COQ5: variants seen among roughly 807,000 people sequenced by gnomAD.
COQ5 encodes the protein coenzyme Q5, methyltransferase.
A neutral mutation model predicts 40.5 loss-of-function variants in COQ5; 27 were observed. The observed-to-expected ratio is 0.67, with a 90% CI of 0.49 to 0.92. The LOEUF (loss-of-function observed/expected upper bound fraction) is 0.92. Ranked by LOEUF, COQ5 falls within the 40% of genes least tolerant of loss-of-function variation. The probability of loss-of-function intolerance (pLI) is 0.00; values close to 1 mark genes in which losing one functional copy is unlikely to be tolerated. For synonymous variants in COQ5, 141 were observed against 150.0 expected, an observed-to-expected ratio of 0.94 and a Z score of 0.44; for missense variants, 409 against 406.4, an observed-to-expected ratio of 1.01 and a Z score of -0.06.
At chr12:120,526,011 G>A (rs1869925362) in intron 1 of COQ5, among the ~76,000 whole-genome samples, 1 of 152,086 alleles carries the variant, frequency 6.6e-6, no homozygotes, top group Non-Finnish European at 1.5e-5. Flanking sequence ...AGTTACTGTG[G>A]TTTAGCTAAA....
At chr12:120,518,730 A>G (rs918283321) in intron 2 of COQ5, among the ~76,000 whole-genome samples, 1 of 151,940 alleles carries the variant, frequency 6.6e-6, no homozygotes, top group Admixed American at 6.6e-5. Context: ...ACGCCCAGCT[A>G]ATTTTTGTAT....
At chr12:120,524,446 G>C (rs1408942799) in intron 1 of COQ5, among the ~76,000 whole-genome samples, 1 of 152,032 alleles carries the variant, frequency 6.6e-6, no homozygotes, top group African/African-American at 2.4e-5. Flanking sequence ...ATTTTTAGTA[G>C]AGACGGGGTT....
intron 4 of COQ5, among the ~76,000 whole-genome samples, chr12:120,505,720 C>A (rs1868850632): frequency 6.6e-6 from 1 of 152,016 alleles, no homozygotes; most frequent in Admixed American, 6.6e-5. Context: ...CCACACCCGG[C>A]TAATTTTGTA....
intron 2 of COQ5, among the ~76,000 whole-genome samples, chr12:120,517,506 TA>T (rs1279558345): frequency 1.8e-5 from 2 of 111,394 alleles, no homozygotes; most frequent in Admixed American, 2.0e-4. Context: ...CCGTCTCTAC[TA>T]AAAAAATACA....
chr12:120,524,081 AG>A (rs1869815548), intron 1 of COQ5: 2 of 258,098 alleles, frequency 7.7e-6, no homozygotes, highest in African/African-American at 4.7e-5. Context: ...ATCACTGAGA[AG>A]AACCTCAGGT....
chr12:120,525,979 T>C (rs1032420614), intron 1 of COQ5, among the ~76,000 whole-genome samples: 1 of 152,040 alleles, frequency 6.6e-6, no homozygotes. Context: ...TGGCTTTGCA[T>C]GTTCCAATAT....
At chr12:120,513,203 A>T (rs181175626) in intron 3 of COQ5, among the ~76,000 whole-genome samples, 1 of 143,148 alleles carries the variant, frequency 7.0e-6, no homozygotes, top group East Asian at 2.2e-4. Context: ...GCTATACATT[A>T]AAAAAAAAAG....
chr12:120,520,627 G>A (rs924933044), intron 2 of COQ5, among the ~76,000 whole-genome samples: 3 of 151,378 alleles, frequency 2.0e-5, no homozygotes, highest in Admixed American at 6.6e-5. Context: ...CCCCGCCATC[G>A]CCCAGCTGAA....
At chr12:120,508,484 G>A (rs542844033) in intron 4 of COQ5, among the ~76,000 whole-genome samples, 13 of 152,194 alleles carry the variant, frequency 8.5e-5, no homozygotes, top group South Asian at 2.1e-4. Flanking sequence ...ACAAATGATC[G>A]AATCCATGCA....
intron 5 of COQ5, chr12:120,504,611 C>T (rs566492471): frequency 1.2e-4 from 45 of 384,458 alleles, no homozygotes; most frequent in African/African-American, 7.5e-4. Flanking sequence ...TGAGTAGCAA[C>T]GTTATTGCCA....
In COQ5 at chr12:120,504,990, A is replaced by C. The variant is rs201670848; in HGVS notation, c.682-7T>G. The C allele has an allele frequency of 1.8e-4, 285 of 1,612,662 alleles. No individual in the cohort carries two copies. The highest frequency in any genetic ancestry group is 1.7e-4 in the Non-Finnish European group (206 of 1,178,714). Reference sequence around the variant, plus strand: ...GATGAGCTTCCTGGAGTGCCTGAGCAAGACAAGGAACAACAGGACACACTC... The same window carrying C: ...GATGAGCTTCCTGGAGTGCCTGAGCCAGACAAGGAACAACAGGACACACTC... On this transcript the variant is annotated splice_region_variant and splice_polypyrimidine_tract_variant and intron_variant, in intron 4 of 6. Coordinates refer to ENST00000288532, the MANE Select transcript of COQ5 (RefSeq NM_032314.4).
chr12:120,506,872 C>T (rs1376216456), intron 4 of COQ5, among the ~76,000 whole-genome samples: 3 of 152,100 alleles, frequency 2.0e-5, no homozygotes, highest in South Asian at 2.1e-4. Flanking sequence ...CTTGCTCTGT[C>T]GCCCAGGCTG....
chr12:120,521,625 G>C (rs549473255), intron 2 of COQ5, among the ~76,000 whole-genome samples: 1 of 147,614 alleles, frequency 6.8e-6, no homozygotes, highest in East Asian at 2.0e-4. Context: ...CAGTGGAGCC[G>C]AGATTGCACC....
Position 120,504,959 on chromosome 12 carries a change from G to A in COQ5, c.706C>T (p.Leu236=). 6.2e-7 allele frequency: 1 copy of A among 1,614,120 alleles called. No homozygotes were observed. The highest frequency in any genetic ancestry group is 1.6e-4 in the Middle Eastern group (1 of 6,062). ...DQALQEAHRV[L]KPGGRFLCLE... is the part of the protein sequence containing the mutation. ...CAGAGAAACCGTCCTCCTGGTTTCA[G>A]CACCCGATGAGCTTCCTGGAGTGCC... Residue 236 remains leucine, a synonymous_variant, in exon 5 of 7, where the codon CTG becomes TTG. Coordinates refer to ENST00000288532, the MANE Select transcript of COQ5 (RefSeq NM_032314.4).
rs138603815 is a variant in COQ5, at chr12:120,527,673, T to A, written c.202+1267A>T. ...TGTGAAATGTTGATTATACATTGAT[T>A]ATACATTGTAAAATGTTGATTATAC... On this transcript the variant is annotated intron_variant, in intron 1 of 6. Coordinates refer to ENST00000288532, the MANE Select transcript of COQ5 (RefSeq NM_032314.4). Among the ~76,000 whole-genome samples the A allele has an allele frequency of 1.1e-3, 166 of 152,156 alleles. 1 individual carries two copies. The highest frequency in any genetic ancestry group is 3.4e-3 in the Middle Eastern group (1 of 294).
chr12:120,514,627 C>T (rs535917836), intron 3 of COQ5, among the ~76,000 whole-genome samples: 1 of 151,966 alleles, frequency 6.6e-6, no homozygotes, highest in South Asian at 2.1e-4. Context: ...GCTGTAATCC[C>T]AGCTACTCGG....
In COQ5 at chr12:120,529,071, C is replaced by T. The variant is rs1338280823; in HGVS notation, c.71G>A (p.Cys24Tyr). The T allele has an allele frequency of 6.2e-7, 1 of 1,614,158 alleles. No individual in the cohort carries two copies. The highest frequency in any genetic ancestry group is 8.5e-7 in the Non-Finnish European group (1 of 1,180,026). Residue 24 changes from cysteine to tyrosine, a missense_variant, in exon 1 of 7, where the codon TGC becomes TAC. Physicochemically the swap from Cys to Tyr is radical, Grantham distance 194. Coordinates refer to ENST00000288532, the MANE Select transcript of COQ5 (RefSeq NM_032314.4). ...GRGWSRAMRG[C>Y]QLLGLRSSWP... ...AGAGCTACGAAGCCCGAGGAGCTGG[C>T]AGCCCCGCATCGCCCGCGACCACCC... is the stretch of plus-strand genomic sequence containing the variant.
At chr12:120,519,512 A>T (rs1869542717) in intron 2 of COQ5, among the ~76,000 whole-genome samples, 1 of 152,092 alleles carries the variant, frequency 6.6e-6, no homozygotes, top group Admixed American at 6.6e-5. Context: ...GTGTGCCGAG[A>T]TCATGCCATT....
At chr12:120,513,754 A>G (rs1415641384) in intron 3 of COQ5, among the ~76,000 whole-genome samples, 1 of 151,940 alleles carries the variant, frequency 6.6e-6, no homozygotes, top group Non-Finnish European at 1.5e-5. Context: ...TTTTGACCTC[A>G]GGTGATCTGC....
Sources: allele counts gnomAD v4.1 joint callset (sites outside exome capture counted in the v4.1 genomes callset), GRCh38; gene constraint gnomAD v4.1.1; transcripts MANE v1.5; gene names NCBI Gene and HGNC (gene_info 2026-07-23, HGNC 2026-07-21).